The following CAMK2D variants were observed in gnomAD, a reference collection of about 807,000 sequenced individuals.
The protein encoded by CAMK2D is calcium/calmodulin-dependent protein kinase type II subunit delta.
Under a neutral mutation model 84.0 loss-of-function variants are expected in CAMK2D, and 37 were observed. The observed-to-expected ratio is 0.44, with a 90% confidence interval of 0.34 to 0.58. The LOEUF is 0.58. Ranked by LOEUF, CAMK2D falls within the 20% of genes least tolerant of loss-of-function variation. The pLI, the probability that CAMK2D is intolerant of heterozygous loss-of-function variation, is 0.02. For missense variants in CAMK2D, 448 were observed against 652.5 expected, an observed-to-expected ratio of 0.69 and a Z score of 3.41; for synonymous variants, 202 against 212.5, an observed-to-expected ratio of 0.95 and a Z score of 0.43.
At chr4:113,478,305 A>T (rs2097656065) in intron 16 of CAMK2D, among the ~76,000 whole-genome samples, 1 of 152,228 alleles carries the variant, frequency 6.6e-6, no homozygotes, top group African/African-American at 2.4e-5. Context: ...CTCCTGTTAC[A>T]AAATTGTAGT....
At chr4:113,612,068 AT>A (rs1181922982) in intron 3 of CAMK2D, among the ~76,000 whole-genome samples, 1 of 152,072 alleles carries the variant, frequency 6.6e-6, no homozygotes, top group African/African-American at 2.4e-5. Flanking sequence ...ATTATAAGAA[AT>A]TGTCATGATT....
At chr4:113,655,942 A>T (rs1418625865) in intron 3 of CAMK2D, among the ~76,000 whole-genome samples, 1 of 152,182 alleles carries the variant, frequency 6.6e-6, no homozygotes, top group Non-Finnish European at 1.5e-5. Flanking sequence ...GAATAAAAAC[A>T]GTATGAATAT....
chr4:113,544,237 T>G (rs1372048832), intron 6 of CAMK2D, among the ~76,000 whole-genome samples: 1 of 152,204 alleles, frequency 6.6e-6, no homozygotes, highest in East Asian at 1.9e-4. Context: ...ATATCTTATT[T>G]TCTTTATTCC....
chr4:113,646,172 G>A (rs1234984891), intron 3 of CAMK2D, among the ~76,000 whole-genome samples: 2 of 152,102 alleles, frequency 1.3e-5, no homozygotes, highest in Admixed American at 6.5e-5. Flanking sequence ...TGTGCCATAA[G>A]TTAAAATTTA....
At chr4:113,736,059 C>T (rs541892526) in intron 2 of CAMK2D, among the ~76,000 whole-genome samples, 1 of 150,124 alleles carries the variant, frequency 6.7e-6, no homozygotes, top group East Asian at 2.0e-4. Context: ...ATGTAATCTA[C>T]AACCCATACT....
chr4:113,754,743 A>G (rs2099624632), intron 2 of CAMK2D: 13 of 981,016 alleles, frequency 1.3e-5, no homozygotes, highest in Non-Finnish European at 1.6e-5. Flanking sequence ...CTTTCATTCA[A>G]TGAAAGAAGA....
chr4:113,733,442 C>A (rs1438943845), intron 2 of CAMK2D, among the ~76,000 whole-genome samples: 1 of 152,126 alleles, frequency 6.6e-6, no homozygotes, highest in Admixed American at 6.5e-5. Flanking sequence ...TCAGCAAGTG[C>A]AAATCCTTTT....
intron 2 of CAMK2D, among the ~76,000 whole-genome samples, chr4:113,756,017 T>C (rs2099627767): frequency 6.6e-6 from 1 of 151,952 alleles, no homozygotes; most frequent in African/African-American, 2.4e-5. Flanking sequence ...TATATATGAG[T>C]GTACCCATCT....
At chr4:113,555,124 G>A (rs1298358600) in intron 4 of CAMK2D, among the ~76,000 whole-genome samples, 2 of 152,114 alleles carry the variant, frequency 1.3e-5, no homozygotes, top group Non-Finnish European at 2.9e-5. Context: ...ATCAGAAATG[G>A]TCAAAATTAA....
At chr4:113,688,538 C>T (rs72895949) in intron 2 of CAMK2D, among the ~76,000 whole-genome samples, 10,828 of 152,162 alleles carry the variant, frequency 0.071, 489 homozygotes, top group African/African-American at 0.13. Context: ...TTTCTAAACA[C>T]TTCCAGCTGC....
intron 2 of CAMK2D, among the ~76,000 whole-genome samples, chr4:113,667,495 T>G (rs1241670537): frequency 6.6e-6 from 1 of 152,226 alleles, no homozygotes; most frequent in Non-Finnish European, 1.5e-5. Context: ...AGAGGCCTTC[T>G]TCCTGGAGGT....
At chr4:113,669,977 C>A (rs1242866326) in intron 2 of CAMK2D, among the ~76,000 whole-genome samples, 6 of 152,296 alleles carry the variant, frequency 3.9e-5, no homozygotes, top group Non-Finnish European at 7.4e-5. Context: ...CATCTGTCAA[C>A]AGTACCATTT....
At chr4:113,713,791 C>A (rs2099502581) in intron 2 of CAMK2D, among the ~76,000 whole-genome samples, 1 of 151,392 alleles carries the variant, frequency 6.6e-6, no homozygotes, top group South Asian at 2.1e-4. Context: ...AGCCTGGGTA[C>A]CTATCCTTCA....
At chr4:113,616,153 C>T (rs774798519) in intron 3 of CAMK2D, among the ~76,000 whole-genome samples, 10 of 152,024 alleles carry the variant, frequency 6.6e-5, no homozygotes, top group Non-Finnish European at 1.3e-4. Flanking sequence ...TATTTCAAAG[C>T]AATTGACTGC....
chr4:113,510,068 C>T (rs1355920283), intron 12 of CAMK2D, among the ~76,000 whole-genome samples: 1 of 152,152 alleles, frequency 6.6e-6, no homozygotes, highest in African/African-American at 2.4e-5. Flanking sequence ...TGTTCATTCA[C>T]ACCACATATG....
chr4:113,631,227 T>G (rs534073249), intron 3 of CAMK2D, among the ~76,000 whole-genome samples: 1 of 152,276 alleles, frequency 6.6e-6, no homozygotes, highest in South Asian at 2.1e-4. Flanking sequence ...CAGCTGAGAT[T>G]GTAGACTGAA....
chr4:113,599,536 T>C lies in CAMK2D; in HGVS notation c.275+9616A>G, dbSNP rs1188599489. ...AAGCTATAAGGCCATAAAAAATAAA[T>C]AGAAGAAATCTAAATATGTACAGTT... On this transcript the variant is annotated intron_variant, in intron 4 of 20. Transcript: ENST00000511664. Among the ~76,000 whole-genome samples the C allele has an allele frequency of 3.9e-5, 6 of 152,146 alleles. No individual in the cohort carries two copies. In the East Asian group the frequency reaches 7.7e-4, roughly 20 times the overall value.
chr4:113,744,350 T>A (rs1015067886), intron 2 of CAMK2D, among the ~76,000 whole-genome samples: 12 of 152,216 alleles, frequency 7.9e-5, no homozygotes. Flanking sequence ...TTCTGCCATA[T>A]GGGAAATCAA....
intron 3 of CAMK2D, among the ~76,000 whole-genome samples, chr4:113,642,736 CTT>C (rs1025205074): frequency 6.8e-6 from 1 of 146,022 alleles, no homozygotes; most frequent in African/African-American, 2.5e-5. Context: ...TTTTCTTTTT[CTT>C]TTTTTTTTTT....
Sources: gnomAD v4.1 joint callset for allele counts (sites outside exome capture counted in the v4.1 genomes callset) on GRCh38, gnomAD v4.1.1 for gene constraint, MANE v1.5 for transcripts, NCBI Gene and HGNC (gene_info 2026-07-23, HGNC 2026-07-21) for gene names.